The following FIRRM variants were observed in gnomAD, a reference collection of about 807,000 sequenced individuals.
FIRRM encodes FIGNL1 interacting regulator of recombination and mitosis, also known as FIGNL1-interacting regulator of recombination and mitosis.
the FIRRM span, among the ~76,000 whole-genome samples, chr1:169,816,661 T>A: frequency 6.6e-6 from 1 of 152,210 alleles, no homozygotes; most frequent in Non-Finnish European, 1.5e-5. Flanking sequence ...CCTCTTGAGG[T>A]CCCAAGATAA....
At chr1:169,789,304 C>T in the FIRRM span, among the ~76,000 whole-genome samples, 5 of 152,190 alleles carry the variant, frequency 3.3e-5, no homozygotes, top group Non-Finnish European at 7.4e-5. Context: ...ATACTATGGA[C>T]GGCATTGAAA....
the FIRRM span, among the ~76,000 whole-genome samples, chr1:169,786,643 A>G: frequency 6.6e-6 from 1 of 152,216 alleles, no homozygotes; most frequent in East Asian, 1.9e-4. Flanking sequence ...GTTTACAGAA[A>G]TTCACTAGAA....
the FIRRM span, among the ~76,000 whole-genome samples, chr1:169,799,533 G>A: frequency 3.3e-5 from 5 of 152,138 alleles, no homozygotes; most frequent in South Asian, 4.2e-4. Context: ...TTGAATCTAC[G>A]TTGTGTAATG....
chr1:169,818,425 T>C, the FIRRM span, among the ~76,000 whole-genome samples: 7 of 152,354 alleles, frequency 4.6e-5, no homozygotes, highest in South Asian at 1.2e-3. Context: ...AAACCTAATA[T>C]CTAACCTGCC....
the FIRRM span, chr1:169,795,143 T>C: frequency 6.5e-7 from 1 of 1,536,100 alleles, no homozygotes; most frequent in South Asian, 1.2e-5. Context: ...GCGGTTCCCC[T>C]GGAAGAATTA....
chr1:169,793,064 T>C, the FIRRM span: 1 of 1,614,184 alleles, frequency 6.2e-7, no homozygotes. Flanking sequence ...GTGAATTTCT[T>C]TGGACCCTCC....
At chr1:169,799,672 C>T in the FIRRM span, among the ~76,000 whole-genome samples, 2 of 152,202 alleles carry the variant, frequency 1.3e-5, no homozygotes, top group Non-Finnish European at 2.9e-5. Context: ...CTGCCTCAGT[C>T]TCCCAAGTAG....
At chr1:169,795,288 C>T in the FIRRM span, 5 of 1,466,790 alleles carry the variant, frequency 3.4e-6, no homozygotes, top group Non-Finnish European at 3.7e-6. Flanking sequence ...TCTGTCCCTT[C>T]AGACCCACCG....
At chr1:169,802,348 G>A in the FIRRM span, among the ~76,000 whole-genome samples, 1 of 152,040 alleles carries the variant, frequency 6.6e-6, no homozygotes, top group Non-Finnish European at 1.5e-5. Flanking sequence ...AACTTTGAGT[G>A]ATTTTTTAAA....
the FIRRM span, among the ~76,000 whole-genome samples, chr1:169,800,709 TTCTC>T: frequency 8.9e-5 from 8 of 90,072 alleles, no homozygotes; most frequent in East Asian, 1.4e-3. Context: ...GTCGTTTCCT[TTCTC>T]TCTTTTTTTT....
At chr1:169,801,201 G>GA in the FIRRM span, among the ~76,000 whole-genome samples, 1 of 152,062 alleles carries the variant, frequency 6.6e-6, no homozygotes, top group Admixed American at 6.6e-5. Context: ...CCAGCTCTCT[G>GA]AGAGGCTGAG....
chr1:169,792,558 G>T, the FIRRM span: 3 of 1,487,856 alleles, frequency 2.0e-6, no homozygotes, highest in South Asian at 1.5e-5. Flanking sequence ...TTTCATTTTG[G>T]ATACTCAGTG....
At chr1:169,827,805 G>A in the FIRRM span, 1 of 1,614,044 alleles carries the variant, frequency 6.2e-7, no homozygotes, top group Non-Finnish European at 8.5e-7. Flanking sequence ...AAACCCTGTG[G>A]TGCACAGACA....
chr1:169,809,011 C>T, the FIRRM span, among the ~76,000 whole-genome samples: 1 of 152,168 alleles, frequency 6.6e-6, no homozygotes, highest in African/African-American at 2.4e-5. Context: ...TCCTTTGTAC[C>T]TGCGCTCTTC....
chr1:169,794,960 G>A, the FIRRM span: 1 of 643,220 alleles, frequency 1.6e-6, no homozygotes, highest in Middle Eastern at 2.7e-4. Context: ...CGGCCTTGAG[G>A]GACCCGGGCT....
At chr1:169,846,783 A>T in the FIRRM span, among the ~76,000 whole-genome samples, 1 of 152,112 alleles carries the variant, frequency 6.6e-6, no homozygotes, top group African/African-American at 2.4e-5. Context: ...CCACATCAAC[A>T]ATAAGACTTT....
the FIRRM span, chr1:169,832,612 A>AT: frequency 1.4e-4 from 114 of 827,510 alleles, no homozygotes; most frequent in Non-Finnish European, 1.9e-4. Flanking sequence ...TTATCTTATT[A>AT]TTTTTTTTGA....
chr1:169,847,674 G>A, the FIRRM span: 1 of 1,555,138 alleles, frequency 6.4e-7, no homozygotes, highest in South Asian at 1.1e-5. Flanking sequence ...CTGTTCTTTG[G>A]TCTTCACCTC....
the FIRRM span, among the ~76,000 whole-genome samples, chr1:169,807,030 CT>C: frequency 6.6e-6 from 1 of 152,214 alleles, no homozygotes; most frequent in South Asian, 2.1e-4. Context: ...GCAGAATGAT[CT>C]TTTAAAAAGT....
Sources: gnomAD v4.1 joint callset for allele counts (sites outside exome capture counted in the v4.1 genomes callset) on GRCh38, gnomAD v4.1.1 for gene constraint, MANE v1.5 for transcripts, NCBI Gene and HGNC (gene_info 2026-07-23, HGNC 2026-07-21) for gene names.